HDAC9: variants seen among roughly 807,000 people sequenced by gnomAD.
HDAC9 encodes the protein histone deacetylase 9, also known as MEF-2 interacting transcription repressor (MITR) protein.
Under a neutral mutation model 139.4 loss-of-function variants are expected in HDAC9, and 41 were observed. The observed-to-expected ratio is 0.29, with a 90% CI of 0.23 to 0.38. The LOEUF is 0.38. Among genes scored for constraint, HDAC9 ranks in the 10% least tolerant of loss-of-function variants. HDAC9 has a pLI of 1.00. For missense variants in HDAC9, 1,147 were observed against 1,297.0 expected, an observed-to-expected ratio of 0.88 and a Z score of 1.78; for synonymous variants, 517 against 476.2, an observed-to-expected ratio of 1.09 and a Z score of -1.12.
chr7:18,364,742 T>A (rs1784047192), intron 1 of HDAC9, among the ~76,000 whole-genome samples: 1 of 152,070 alleles, frequency 6.6e-6, no homozygotes, highest in Admixed American at 6.6e-5. Context: ...AGATTAAGAC[T>A]AAACAAACCT....
chr7:18,173,546 A>T (rs1034680562), intron 2 of HDAC9, among the ~76,000 whole-genome samples: 1 of 152,156 alleles, frequency 6.6e-6, no homozygotes, highest in African/African-American at 2.4e-5. Flanking sequence ...TCTTCCTAGC[A>T]TTGACGGTCT....
intron 23 of HDAC9, among the ~76,000 whole-genome samples, chr7:18,946,670 T>A (rs1160427566): frequency 6.6e-6 from 1 of 152,014 alleles, no homozygotes; most frequent in Admixed American, 6.6e-5. Context: ...TAAGTATACA[T>A]GGAAAGAACC....
chr7:18,301,317 A>C (rs1057044596), intron 1 of HDAC9, among the ~76,000 whole-genome samples: 2 of 152,198 alleles, frequency 1.3e-5, no homozygotes, highest in African/African-American at 2.4e-5. Flanking sequence ...AGATGGAGCA[A>C]ATTAATTTAA....
intron 22 of HDAC9, among the ~76,000 whole-genome samples, chr7:18,885,968 A>G (rs78931168): frequency 0.014 from 2,142 of 152,296 alleles, 57 homozygotes; most frequent in African/African-American, 0.048. Context: ...GGACAGAGGA[A>G]GGGAATATGC....
chr7:18,195,667 T>TAC (rs1487085037), intron 2 of HDAC9, among the ~76,000 whole-genome samples: 1 of 152,188 alleles, frequency 6.6e-6, no homozygotes, highest in Non-Finnish European at 1.5e-5. Flanking sequence ...TCAGCCCTAC[T>TAC]CAAGTCATGG....
intron 2 of HDAC9, among the ~76,000 whole-genome samples, chr7:18,274,046 A>G (rs1796556378): frequency 6.6e-6 from 1 of 152,188 alleles, no homozygotes; most frequent in Admixed American, 6.5e-5. Flanking sequence ...TTCATATTTT[A>G]TAAGGACCCA....
intron 12 of HDAC9, among the ~76,000 whole-genome samples, chr7:18,715,548 C>T (rs1173613582): frequency 1.3e-5 from 2 of 152,024 alleles, no homozygotes; most frequent in Non-Finnish European, 2.9e-5. Flanking sequence ...ATGTGATTCT[C>T]CTAATGTTAT....
At chr7:18,594,714 C>G (rs959740642) in intron 6 of HDAC9, among the ~76,000 whole-genome samples, 4 of 151,926 alleles carry the variant, frequency 2.6e-5, no homozygotes, top group Non-Finnish European at 5.9e-5. Context: ...TATTTAATGT[C>G]TTATATGCTT....
intron 2 of HDAC9, among the ~76,000 whole-genome samples, chr7:18,539,528 C>T (rs1261245913): frequency 6.6e-6 from 1 of 152,176 alleles, no homozygotes; most frequent in Non-Finnish European, 1.5e-5. Context: ...CGGTATTGTA[C>T]TCACGTTAAT....
At chr7:18,432,220 C>G (rs902957036) in intron 1 of HDAC9, among the ~76,000 whole-genome samples, 6 of 152,202 alleles carry the variant, frequency 3.9e-5, no homozygotes, top group Non-Finnish European at 7.3e-5. Context: ...TACGCTCCAG[C>G]TCTGAACTGA....
chr7:18,336,844 T>C (rs1015041265), intron 1 of HDAC9, among the ~76,000 whole-genome samples: 5 of 151,644 alleles, frequency 3.3e-5, no homozygotes, highest in African/African-American at 1.2e-4. Flanking sequence ...TGTGACATTC[T>C]GACAGTGTGT....
intron 2 of HDAC9, among the ~76,000 whole-genome samples, chr7:18,213,935 C>T (rs139712043): frequency 3.9e-4 from 60 of 152,178 alleles, no homozygotes; most frequent in East Asian, 2.5e-3. Context: ...TTAGTAATCA[C>T]CCAGCAGTTG....
intron 16 of HDAC9, among the ~76,000 whole-genome samples, chr7:18,779,125 G>A (rs1312905666): frequency 6.6e-6 from 1 of 151,992 alleles, no homozygotes; most frequent in African/African-American, 2.4e-5. Flanking sequence ...TAAGGTGTGG[G>A]CATTATAACC....
At chr7:18,128,955 A>G (rs1333948057) in intron 1 of HDAC9, among the ~76,000 whole-genome samples, 1 of 152,038 alleles carries the variant, frequency 6.6e-6, no homozygotes, top group East Asian at 1.9e-4. Context: ...AGCTTTCCAG[A>G]AGTGATATAG....
intron 2 of HDAC9, among the ~76,000 whole-genome samples, chr7:18,524,932 T>A (rs1016227538): frequency 2.6e-5 from 4 of 151,802 alleles, no homozygotes; most frequent in Non-Finnish European, 5.9e-5. Context: ...TGGAAAAATA[T>A]GTATACGCAA....
chr7:18,767,251 TA>T (rs1789909863), intron 16 of HDAC9, 96 bp downstream of exon 16: 1 of 640,348 alleles, frequency 1.6e-6, no homozygotes, highest in Non-Finnish European at 2.5e-6. Flanking sequence ...TATTTCTCAG[TA>T]AAAGTTATGC....
At chr7:18,351,018 G>A (rs914547837) in intron 1 of HDAC9, among the ~76,000 whole-genome samples, 3 of 152,106 alleles carry the variant, frequency 2.0e-5, no homozygotes, top group African/African-American at 7.2e-5. Context: ...AATGACTGTA[G>A]GTCTGTGACG....
rs188653891 is a variant in HDAC9, at chr7:18,828,934, G to A, written c.2323-227G>A. Among the ~76,000 whole-genome samples the A allele has an allele frequency of 1.4e-3, 213 of 152,252 alleles. 3 individuals are homozygous for A. The highest frequency in any genetic ancestry group is 0.013 in the Admixed American group (201 of 15,304). ...CCTCCCCAAATCCTGCCCTTCCCCC[G>A]ACTCGGAGCCTTCTTTTGGGACATG... On this transcript the variant is annotated intron_variant, in intron 17 of 25. Coordinates refer to ENST00000686413, the MANE Select transcript of HDAC9 (RefSeq NM_178425.4).
Position 18,997,794 on chromosome 7 carries a change from T to A in HDAC9, c.*1732T>A, listed in dbSNP as rs1053389705. 2 of 152,162 alleles carry A rather than the reference T, an allele frequency of 1.3e-5. No individual in the cohort carries two copies. The highest frequency in any genetic ancestry group is 4.8e-5 in the African/African-American group (2 of 41,454). 9.4% of individuals were successfully genotyped at this position (152,162 alleles called of 1,614,324 possible). The stretch of plus-strand genomic sequence containing the variant: ...ACCATATTTTTCATGCATTTGGTTT[T>A]TTTAGGATTACCATTTTAATTTTAA... On this transcript the variant is annotated 3_prime_UTR_variant, in exon 26 of 26. Transcript: ENST00000686413.
Sources: allele counts gnomAD v4.1 joint callset (sites outside exome capture counted in the v4.1 genomes callset), GRCh38; gene constraint gnomAD v4.1.1; transcripts MANE v1.5; gene names NCBI Gene and HGNC (gene_info 2026-07-23, HGNC 2026-07-21).